The following CAMKK1 variants were observed in gnomAD, a reference collection of about 807,000 sequenced individuals.
CAMKK1 encodes calcium/calmodulin-dependent protein kinase kinase 1.
A neutral mutation model predicts 63.5 loss-of-function variants in CAMKK1; 20 were observed. That is an observed-to-expected ratio of 0.32 (90% confidence interval 0.22 to 0.46). The LOEUF (loss-of-function observed/expected upper bound fraction) is 0.46, where lower values mean the gene tolerates loss of function less well. CAMKK1 is among the 20% of genes least tolerant of loss of function. The pLI is 1.00. For synonymous variants in CAMKK1, 253 were observed against 269.0 expected, an observed-to-expected ratio of 0.94 and a Z score of 0.58; for missense variants, 588 against 658.1, an observed-to-expected ratio of 0.89 and a Z score of 1.17.
At chr17:3,869,419 G>A (rs2054736663) in intron 14 of CAMKK1, 68 bp downstream of exon 14, 3 of 1,595,900 alleles carry the variant, frequency 1.9e-6, no homozygotes, top group Non-Finnish European at 1.7e-6. Flanking sequence ...CAAGGAGCCA[G>A]GCACAGAGCA....
chr17:3,877,720 C>T (rs1051128401), intron 9 of CAMKK1, among the ~76,000 whole-genome samples: 1 of 152,194 alleles, frequency 6.6e-6, no homozygotes, highest in African/African-American at 2.4e-5. Flanking sequence ...CACAAGGAAT[C>T]TGACACACCC....
chr17:3,892,995 G>A lies in CAMKK1; in HGVS notation c.-100C>T, dbSNP rs2055959415. The A allele has an allele frequency of 1.4e-5, 2 of 145,326 alleles. No homozygotes were observed. The highest frequency in any genetic ancestry group is 3.1e-5 in the Non-Finnish European group (2 of 64,400). The allele number at this position is 145,326 out of a possible 1,614,324, so 9.0% of individuals were successfully genotyped here. A position where few individuals can be genotyped will look rare whatever the true frequency, so the allele number is the denominator to read the frequency against. On this transcript the variant is annotated 5_prime_UTR_variant, in exon 1 of 16. Transcript: ENST00000348335. The surrounding 1 kb of genome is among the most constrained non-coding windows in gnomAD (Gnocchi z 7.5). The stretch of plus-strand genomic sequence containing the variant: ...GCGGGCGGCCCCACTCGCTCCTGCT[G>A]CGCGCCCCGCCCCGCCCCGCCCCGC...
chr17:3,882,321 G>A lies in CAMKK1; in HGVS notation c.685+207C>T, dbSNP rs1321989479. ...CAGAGGGAAGCAGGGAGTGGGGCTT[G>A]GCGATATTTGTTGAATCTAACTGGA... On this transcript the variant is annotated intron_variant, in intron 7 of 15. Coordinates refer to ENST00000348335, the MANE Select transcript of CAMKK1 (RefSeq NM_032294.3). The surrounding 1 kb of genome is among the most constrained non-coding windows in gnomAD (Gnocchi z 4.3). 2 of 1,614,134 alleles carry A rather than the reference G, an allele frequency of 1.2e-6. No individual in the cohort carries two copies. The highest frequency in any genetic ancestry group is 1.7e-6 in the Non-Finnish European group (2 of 1,180,010).
chr17:3,881,104 A>C (rs2055392140), intron 8 of CAMKK1, among the ~76,000 whole-genome samples: 1 of 152,120 alleles, frequency 6.6e-6, no homozygotes, highest in Admixed American at 6.5e-5. Context: ...TCTGCTCTGT[A>C]AATACCCTGA....
At chr17:3,870,107 C>T (rs1202299194) in intron 12 of CAMKK1, among the ~76,000 whole-genome samples, 1 of 152,178 alleles carries the variant, frequency 6.6e-6, no homozygotes, top group Non-Finnish European at 1.5e-5. Context: ...GTGCTGGACA[C>T]CCCAATGGGT....
chr17:3,872,488 C>G lies in CAMKK1; in HGVS notation c.1124+66G>C, dbSNP rs181030525. 16 of 1,402,964 alleles carry G rather than the reference C, an allele frequency of 1.1e-5. No homozygotes were observed. In the East Asian group the frequency reaches 3.6e-4, roughly 32 times the overall value. 86.9% of individuals were successfully genotyped at this position (1,402,964 alleles called of 1,614,324 possible). On this transcript the variant is annotated intron_variant, in intron 12 of 15. Coordinates refer to ENST00000348335, the MANE Select transcript of CAMKK1 (RefSeq NM_032294.3). ...GGGTGGGGTCCTCAGAGGGCAAAAG[C>G]TCTGCTAAAACTCAGACACCAGGAG...
chr17:3,880,457 G>T (rs748229139), intron 8 of CAMKK1, 23 bp from the exon 9 acceptor site: 38 of 1,601,180 alleles, frequency 2.4e-5, no homozygotes, highest in Non-Finnish European at 3.2e-5. Flanking sequence ...ATGCGGGGAG[G>T]GGCATTCAGC....
In CAMKK1 at chr17:3,889,081, G is replaced by A. The variant is rs1393219574; in HGVS notation, c.-43-3351C>T. On this transcript the variant is annotated intron_variant, in intron 1 of 15. Transcript: ENST00000348335. This position sits in a 1 kb window ranked among gnomAD's most constrained non-coding sequence, Gnocchi z 5.2. ...AGGGGGGTGGTCCGCGCCCCTGGGG[G>A]CCCTGGGAGCCTGATCCCAGAGCTC... 2.0e-5 allele frequency among the ~76,000 whole-genome samples: 3 copies of A among 152,134 alleles called. No homozygotes were observed. The highest frequency in any genetic ancestry group is 4.8e-5 in the African/African-American group (2 of 41,422).
In CAMKK1 at chr17:3,880,484, G is replaced by A. The variant is rs886264434; in HGVS notation, c.708-50C>T. The A allele has an allele frequency of 6.8e-6, 10 of 1,471,760 alleles. No homozygotes were observed. The East Asian group carries it at 7.0e-5, about 10-fold the overall frequency. The allele number at this position is 1,471,760 out of a possible 1,614,324, so 91.2% of individuals were successfully genotyped here. A position where few individuals can be genotyped will look rare whatever the true frequency, so the allele number is the denominator to read the frequency against. On this transcript the variant is annotated intron_variant, in intron 8 of 15. Coordinates refer to ENST00000348335, the MANE Select transcript of CAMKK1 (RefSeq NM_032294.3). ...GCATTCAGCTGAAATCAGGGCACCC[G>A]GCCATTCAGGTGGTCGGGACGTCCC...
Position 3,882,703 on chromosome 17 carries a change from G to A in CAMKK1, c.649-139C>T, listed in dbSNP as rs2055467474. The stretch of plus-strand genomic sequence containing the variant: ...AGACAAGGAAGCAGGAAGTGTACAG[G>A]TGGTGCCAGACTGATGGGGCCTCAG... On this transcript the variant is annotated intron_variant, in intron 6 of 15. Transcript: ENST00000348335. The surrounding 1 kb of genome is among the most constrained non-coding windows in gnomAD (Gnocchi z 4.3). The A allele has an allele frequency of 1.2e-6, 1 of 852,850 alleles. No individual in the cohort carries two copies. Among genetic ancestry groups the A allele is most frequent in the South Asian group, 1.6e-5 (1 of 62,164 alleles). The allele number at this position is 852,850 out of a possible 1,614,324, so 52.8% of individuals were successfully genotyped here. A position where few individuals can be genotyped will look rare whatever the true frequency, so the allele number is the denominator to read the frequency against.
In CAMKK1 at chr17:3,889,014, C is replaced by T. The variant is rs778201281; in HGVS notation, c.-43-3284G>A. Among the ~76,000 whole-genome samples the T allele has an allele frequency of 2.6e-5, 4 of 152,018 alleles. No homozygotes were observed. The highest frequency in any genetic ancestry group is 4.4e-5 in the Non-Finnish European group (3 of 67,976). On this transcript the variant is annotated intron_variant, in intron 1 of 15. Transcript: ENST00000348335. This position sits in a 1 kb window ranked among gnomAD's most constrained non-coding sequence, Gnocchi z 5.2. Reference sequence around the variant, plus strand: ...GTGTGTGTGCGCAGGTGTGTTTATGCGCCTGTGTGCCTGCAGGTCTCCGTG... The same window carrying T: ...GTGTGTGTGCGCAGGTGTGTTTATGTGCCTGTGTGCCTGCAGGTCTCCGTG...
At chr17:3,872,435 G>A (rs758594951) in intron 12 of CAMKK1, 119 bp downstream of exon 12, 19 of 797,444 alleles carry the variant, frequency 2.4e-5, no homozygotes, top group Non-Finnish European at 3.6e-5. Flanking sequence ...CCAGGGAACA[G>A]CACCGCCACC....
chr17:3,868,844 G>A (rs1329063542), intron 14 of CAMKK1, among the ~76,000 whole-genome samples: 1 of 151,552 alleles, frequency 6.6e-6, no homozygotes, highest in Non-Finnish European at 1.5e-5. Context: ...TAGTAGAGGT[G>A]GGGTTTCGCC....
chr17:3,885,559 G>C lies in CAMKK1; in HGVS notation c.129C>G (p.Asp43Glu). The change falls in exon 2 of 16, where the codon GAC becomes GAG. Residue 43 changes from aspartate to glutamate, a missense_variant. This residue lies in a region of CAMKK1 where 357 missense variants were observed against 407.4 expected (regional missense o/e 0.88). Coordinates refer to ENST00000348335, the MANE Select transcript of CAMKK1 (RefSeq NM_032294.3). ...AGGCAGCTCTGGCCCGTGGTGGGGG[G>C]TCCACACCGTTTCTAGTAGGCTCTG... ...GGPEPTRNGV[D>E]PPPRARAASV... is the part of the protein sequence containing the mutation. 6.2e-7 allele frequency: 1 copy of C among 1,614,030 alleles called. No individual in the cohort carries two copies. Among genetic ancestry groups the C allele is most frequent in the South Asian group, 1.1e-5 (1 of 91,090 alleles).
chr17:3,888,166 A>C (rs1225674378), intron 1 of CAMKK1, among the ~76,000 whole-genome samples: 1 of 152,182 alleles, frequency 6.6e-6, no homozygotes, highest in African/African-American at 2.4e-5. Flanking sequence ...CTAGGCAGGG[A>C]CTACGGGACT....
chr17:3,868,112 G>A (rs1445356408), intron 14 of CAMKK1, among the ~76,000 whole-genome samples: 2 of 75,298 alleles, frequency 2.7e-5, no homozygotes, highest in African/African-American at 1.6e-4. Flanking sequence ...AGCAGGCGCC[G>A]TCTAACTGAT....
intron 14 of CAMKK1, among the ~76,000 whole-genome samples, chr17:3,868,659 C>CTT (rs1240952614): frequency 2.7e-5 from 4 of 147,856 alleles, no homozygotes; most frequent in African/African-American, 9.9e-5. Flanking sequence ...CTATTTCTTT[C>CTT]TTTTTTTTTT....
chr17:3,872,729 T>C lies in CAMKK1; in HGVS notation c.1051-102A>G, dbSNP rs2054947734. ...GGTGGGGGCAGGGGTAGGGGGCAGG[T>C]CTGGGCTCCCATTACATGAGAAGGA... On this transcript the variant is annotated intron_variant, in intron 11 of 15. Transcript: ENST00000348335. The C allele has an allele frequency of 7.9e-6, 7 of 891,532 alleles. No individual in the cohort carries two copies. The South Asian group carries it at 8.3e-5, about 11-fold the overall frequency. The allele number at this position is 891,532 out of a possible 1,614,324, so 55.2% of individuals were successfully genotyped here. A position where few individuals can be genotyped will look rare whatever the true frequency, so the allele number is the denominator to read the frequency against.
chr17:3,884,298 C>A lies in CAMKK1; in HGVS notation c.408+82G>T. 2 of 1,481,148 alleles carry A rather than the reference C, an allele frequency of 1.4e-6. No individual in the cohort carries two copies. The highest frequency in any genetic ancestry group is 1.9e-6 in the Non-Finnish European group (2 of 1,061,940). 91.8% of individuals were successfully genotyped at this position (1,481,148 alleles called of 1,614,324 possible). On this transcript the variant is annotated intron_variant, in intron 3 of 15. Transcript: ENST00000348335. The surrounding 1 kb of genome is among the most constrained non-coding windows in gnomAD (Gnocchi z 4.5). Reference sequence around the variant, plus strand: ...CTAGGACTTGCCTGGCTCTGCCTCCCGTTCCCTCCCACACGAGAGAAGGAG... The same window carrying A: ...CTAGGACTTGCCTGGCTCTGCCTCCAGTTCCCTCCCACACGAGAGAAGGAG...
Sources: allele counts gnomAD v4.1 joint callset (sites outside exome capture counted in the v4.1 genomes callset), GRCh38; gene constraint gnomAD v4.1.1; regional missense constraint gnomAD v4.1.1; non-coding constraint Gnocchi (gnomAD v3.1); transcripts MANE v1.5; gene names NCBI Gene and HGNC (gene_info 2026-07-23, HGNC 2026-07-21).